Variants in DAGLB observed in about 807,000 individuals in gnomAD.
The protein encoded by DAGLB is diacylglycerol lipase beta, also known as diacylglycerol lipase-beta.
DAGLB carries 66 observed loss-of-function variants against 72.1 expected under a neutral mutation model. The ratio of observed to expected loss-of-function variants is 0.92; its 90% CI spans 0.75 to 1.12. The LOEUF (loss-of-function observed/expected upper bound fraction) is 1.12, where lower values mean the gene tolerates loss of function less well. DAGLB is among the 50% of genes most tolerant of loss of function. The pLI is 0.00. For synonymous variants in DAGLB, 414 were observed against 359.5 expected (o/e 1.15, Z -1.71); for missense variants, 1,065 against 884.9 (o/e 1.20, Z -2.58).
At position 6,421,710 on chromosome 7, in the gene DAGLB, C is replaced by T. The variant is rs201747498; in HGVS notation, c.1218+17G>A. ...GGTCAGCATTCACAGGCAAGACACA[C>T]GAGTCCGCGCTCATACCTTGTGTGC... On this transcript the variant is annotated intron_variant, in intron 9 of 14. Coordinates refer to ENST00000297056, the MANE Select transcript of DAGLB (RefSeq NM_139179.4). 1.8e-5 allele frequency: 28 copies of T among 1,591,802 alleles called. No homozygotes were observed. Among genetic ancestry groups the T allele is most frequent in the African/African-American group, 8.0e-5 (6 of 74,774 alleles).
chr7:6,416,663 CTGACCT>C lies in DAGLB; in HGVS notation c.1385_1390del (p.Gln462_Val463del). On this transcript the variant is annotated inframe_deletion, in exon 11 of 15. Coordinates refer to ENST00000297056, the MANE Select transcript of DAGLB (RefSeq NM_139179.4). ...CCGGGGTGGGGAGAAGGCGTAGCACCTGACCTGCGGGTAGGCGGCTCTGAGCATGGT... is the reference window on the plus strand; with the variant it reads ...CCGGGGTGGGGAGAAGGCGTAGCACCGCGGGTAGGCGGCTCTGAGCATGGT... 3.1e-6 allele frequency: 5 copies of C among 1,613,622 alleles called. No homozygotes were observed. The highest frequency in any genetic ancestry group is 4.2e-6 in the Non-Finnish European group (5 of 1,179,808).
chr7:6,437,841 C>T (rs1784712528), intron 2 of DAGLB, among the ~76,000 whole-genome samples: 1 of 152,042 alleles, frequency 6.6e-6, no homozygotes, highest in African/African-American at 2.4e-5. Flanking sequence ...TGGGTTTCAC[C>T]ATGTTGGCCA....
chr7:6,412,523 G>T (rs966219646), intron 13 of DAGLB: 26 of 422,126 alleles, frequency 6.2e-5, no homozygotes, highest in Non-Finnish European at 1.1e-4. Flanking sequence ...TGGCCTCAAG[G>T]GATCCTCCTG....
Position 6,446,369 on chromosome 7 carries a change from T to G in DAGLB, c.96-265A>C, listed in dbSNP as rs570404859. On this transcript the variant is annotated intron_variant, in intron 1 of 14. Transcript: ENST00000297056. Reference sequence around the variant, plus strand: ...GGTGCGCACCTGTAGTCCCAGCTACTCGAGAGGCTGAGACAGGAGAATTGC... The same window carrying G: ...GGTGCGCACCTGTAGTCCCAGCTACGCGAGAGGCTGAGACAGGAGAATTGC... 1.3e-4 allele frequency among the ~76,000 whole-genome samples: 19 copies of G among 145,520 alleles called. No homozygotes were observed. In the South Asian group the frequency reaches 4.1e-3, roughly 32 times the overall value.
intron 11 of DAGLB, among the ~76,000 whole-genome samples, chr7:6,414,755 C>A (rs1000171240): frequency 1.3e-5 from 2 of 152,076 alleles, no homozygotes; most frequent in Admixed American, 1.3e-4. Context: ...TTCAGAAATA[C>A]CATTTCCTGC....
intron 1 of DAGLB, 111 bp from the exon 2 acceptor site, chr7:6,446,215 T>C: frequency 8.9e-7 from 1 of 1,117,628 alleles, no homozygotes; most frequent in Non-Finnish European, 1.2e-6. Flanking sequence ...ACACCTGTAA[T>C]CACAGCACTT....
At chr7:6,434,697 C>T (rs1784598566) in intron 4 of DAGLB, 65 bp downstream of exon 4, 1 of 1,600,920 alleles carries the variant, frequency 6.2e-7, no homozygotes, top group Non-Finnish European at 8.5e-7. Flanking sequence ...AACAGAGGGA[C>T]CGGCTCCATC....
Position 6,410,292 on chromosome 7 carries a change from TC to T in DAGLB, c.1657del (p.Glu553LysfsTer3), listed in dbSNP as rs1783676857. 1.2e-6 allele frequency: 2 copies of T among 1,613,930 alleles called. No homozygotes were observed. Among genetic ancestry groups the T allele is most frequent in the Non-Finnish European group, 1.7e-6 (2 of 1,179,954 alleles). ...LPTELDGGDQEVLTQPLLGEQ... is the reference protein window; with the variant it reads ...LPTELDGGDQXVLTQPLLGEQ... ...CCCCAGAAGAGGCTGTGTCAGGACTTCCTGGTCGCCCCCGTCCAGCTCCGTG... is the reference window on the plus strand; with the variant it reads ...CCCCAGAAGAGGCTGTGTCAGGACTTCTGGTCGCCCCCGTCCAGCTCCGTG... On this transcript the variant is annotated frameshift_variant, in exon 14 of 15. Coordinates refer to ENST00000297056, the MANE Select transcript of DAGLB (RefSeq NM_139179.4). LOFTEE classifies it high-confidence loss of function.
In DAGLB at chr7:6,413,472, T is replaced by C. The variant is rs570796245; in HGVS notation, c.1428-438A>G. Reference sequence around the variant, plus strand: ...GGTAAAAGCCCGTCTCTACTAAAAATACAAAAAATTAGCCAGGCGTGGTGG... The same window carrying C: ...GGTAAAAGCCCGTCTCTACTAAAAACACAAAAAATTAGCCAGGCGTGGTGG... On this transcript the variant is annotated intron_variant, in intron 11 of 14. Coordinates refer to ENST00000297056, the MANE Select transcript of DAGLB (RefSeq NM_139179.4). Among the ~76,000 whole-genome samples, 233 of 151,856 alleles carry C rather than the reference T, an allele frequency of 1.5e-3. 1 individual carries two copies. Among genetic ancestry groups the C allele is most frequent in the Non-Finnish European group, 2.5e-3 (173 of 67,920 alleles).
intron 5 of DAGLB, 129 bp downstream of exon 5, chr7:6,432,708 G>A: frequency 2.6e-6 from 3 of 1,157,602 alleles, no homozygotes; most frequent in Non-Finnish European, 3.4e-6. Context: ...GGGAGGAGGG[G>A]GAGGGGAGGG....
At chr7:6,410,107 C>G (rs1437852427) in intron 14 of DAGLB, 23 bp downstream of exon 14, 2 of 1,577,526 alleles carry the variant, frequency 1.3e-6, no homozygotes, top group Non-Finnish European at 1.7e-6. Context: ...GCCTGCCCAC[C>G]ACACCCACCA....
intron 6 of DAGLB, among the ~76,000 whole-genome samples, chr7:6,429,961 G>A (rs1339705169): frequency 2.6e-5 from 4 of 151,724 alleles, no homozygotes; most frequent in East Asian, 1.9e-4. Context: ...GGAGAATGGC[G>A]TGAACCAGGG....
chr7:6,418,758 G>A (rs553188792), intron 9 of DAGLB, among the ~76,000 whole-genome samples: 1 of 151,706 alleles, frequency 6.6e-6, no homozygotes, highest in East Asian at 1.9e-4. Flanking sequence ...TCCACCTCCC[G>A]GGTTCACGCC....
At chr7:6,419,029 A>G (rs1784017824) in intron 9 of DAGLB, among the ~76,000 whole-genome samples, 1 of 151,780 alleles carries the variant, frequency 6.6e-6, no homozygotes, top group African/African-American at 2.4e-5. Context: ...CCATCATATA[A>G]GAAAATTTTT....
At chr7:6,442,600 A>G (rs887232886) in intron 2 of DAGLB, among the ~76,000 whole-genome samples, 1 of 152,210 alleles carries the variant, frequency 6.6e-6, no homozygotes, top group Non-Finnish European at 1.5e-5. Context: ...TTCACCTTCA[A>G]TAAGAAGCTT....
rs1455831221 is a variant in DAGLB, at chr7:6,410,196, G to A, written c.1754C>T (p.Pro585Leu). The change falls in exon 14 of 15, where the codon CCC becomes CTC. Residue 585 changes from proline to leucine, a missense_variant. Physicochemically the swap from Pro to Leu is moderately conservative, Grantham distance 98 (BLOSUM62 -3). Transcript: ENST00000297056. ...FSSDSPLDSS[P>L]KYPPLYPPGR... ...GGGAGGGTAGAGAGGGGGGTACTTG[G>A]GAGAAGAGTCCAGTGGGGAGTCGCT... The A allele has an allele frequency of 1.2e-6, 2 of 1,603,328 alleles. No homozygotes were observed. Among genetic ancestry groups the A allele is most frequent in the African/African-American group, 1.3e-5 (1 of 74,764 alleles).
intron 2 of DAGLB, among the ~76,000 whole-genome samples, chr7:6,438,884 G>T (rs139977741): frequency 6.6e-6 from 1 of 151,936 alleles, no homozygotes; most frequent in African/African-American, 2.4e-5. Flanking sequence ...TGATGATGAT[G>T]ATGGTACTGA....
intron 2 of DAGLB, among the ~76,000 whole-genome samples, chr7:6,443,977 G>A (rs936561113): frequency 6.6e-6 from 1 of 152,116 alleles, no homozygotes; most frequent in African/African-American, 2.4e-5. Context: ...AAAATATGAA[G>A]AATAGGTGAT....
At chr7:6,441,511 G>A (rs928430450) in intron 2 of DAGLB, among the ~76,000 whole-genome samples, 9 of 148,452 alleles carry the variant, frequency 6.1e-5, no homozygotes, top group East Asian at 2.0e-4. Context: ...TCCGCCTCCC[G>A]AGTTCAAGCG....
Sources: allele counts gnomAD v4.1 joint callset (sites outside exome capture counted in the v4.1 genomes callset), GRCh38; gene constraint gnomAD v4.1.1; transcripts MANE v1.5; gene names NCBI Gene and HGNC (gene_info 2026-07-23, HGNC 2026-07-21).